Variants in MARCHF6 observed in about 807,000 individuals in gnomAD.
MARCHF6 encodes the protein membrane associated ring-CH-type finger 6, also known as E3 ubiquitin-protein ligase MARCHF6.
Under a neutral mutation model 133.7 loss-of-function variants are expected in MARCHF6, and 31 were observed. The ratio of observed to expected loss-of-function variants is 0.23; its 90% CI spans 0.17 to 0.31. The LOEUF (loss-of-function observed/expected upper bound fraction) is 0.31, where lower values mean the gene tolerates loss of function less well. MARCHF6 is among the 10% of genes least tolerant of loss of function. The pLI is 1.00. For synonymous variants in MARCHF6, 395 were observed against 402.5 expected (o/e 0.98, Z 0.22); for missense variants, 723 against 1,121.6 (o/e 0.64, Z 5.08).
intron 22 of MARCHF6, among the ~76,000 whole-genome samples, chr5:10,418,423 G>GT (rs1002908542): frequency 6.0e-5 from 9 of 150,826 alleles, no homozygotes; most frequent in Non-Finnish European, 1.2e-4. Flanking sequence ...GGGAACCCAT[G>GT]TAAGTCACAG....
intron 17 of MARCHF6, among the ~76,000 whole-genome samples, chr5:10,409,772 G>A (rs1169231898): frequency 2.0e-5 from 3 of 152,122 alleles, no homozygotes. Context: ...TGAAGGGGAG[G>A]TAGCAGTGGA....
chr5:10,368,947 G>T (rs1736296378), intron 1 of MARCHF6, among the ~76,000 whole-genome samples: 1 of 151,124 alleles, frequency 6.6e-6, no homozygotes, highest in Admixed American at 6.6e-5. Context: ...ACAAAGTAAG[G>T]CTCTGTTTCT....
intron 25 of MARCHF6, among the ~76,000 whole-genome samples, chr5:10,430,701 G>C (rs1740322339): frequency 6.6e-6 from 1 of 152,136 alleles, no homozygotes; most frequent in East Asian, 1.9e-4. Flanking sequence ...AAAATAAGAA[G>C]CCTGCATTAG....
intron 19 of MARCHF6, 110 bp downstream of exon 19, chr5:10,411,647 G>A: frequency 1.4e-6 from 1 of 740,670 alleles, no homozygotes; most frequent in Non-Finnish European, 2.1e-6. Flanking sequence ...GTGTAGACAT[G>A]TTCCACATTT....
intron 1 of MARCHF6, among the ~76,000 whole-genome samples, chr5:10,358,052 G>A (rs1398483989): frequency 6.7e-6 from 1 of 149,346 alleles, no homozygotes; most frequent in African/African-American, 2.5e-5. Context: ...ACTAGGGGTC[G>A]CAGTTTTAAA....
chr5:10,353,965 T>G, intron 1 of MARCHF6, 48 bp downstream of exon 1: 2 of 1,522,574 alleles, frequency 1.3e-6, no homozygotes, highest in South Asian at 1.2e-5. Context: ...GGCGCCCGGG[T>G]TCGTACCCCG....
chr5:10,417,472 G>T, intron 22 of MARCHF6, 68 bp downstream of exon 22: 2 of 1,593,576 alleles, frequency 1.3e-6, no homozygotes, highest in Middle Eastern at 1.8e-4. Context: ...TCCTAGCCAG[G>T]CATGGGGCTT....
chr5:10,394,046 C>T, intron 7 of MARCHF6, 36 bp from the exon 8 acceptor site: 2 of 1,242,410 alleles, frequency 1.6e-6, no homozygotes, highest in South Asian at 1.7e-5. Context: ...ATTATTTTTA[C>T]TTCAAGTAAT....
intron 10 of MARCHF6, among the ~76,000 whole-genome samples, chr5:10,400,368 A>G (rs1340456450): frequency 6.6e-6 from 1 of 152,184 alleles, no homozygotes; most frequent in Non-Finnish European, 1.5e-5. Context: ...TTAACTATTC[A>G]CATGGGTGTG....
chr5:10,419,221 A>C (rs1739698741), intron 22 of MARCHF6, among the ~76,000 whole-genome samples: 1 of 152,210 alleles, frequency 6.6e-6, no homozygotes, highest in African/African-American at 2.4e-5. Context: ...GTACTTCTAC[A>C]GCTATTCTGT....
intron 25 of MARCHF6, among the ~76,000 whole-genome samples, chr5:10,432,990 C>A (rs1275680196): frequency 6.6e-6 from 1 of 151,150 alleles, no homozygotes; most frequent in African/African-American, 2.4e-5. Flanking sequence ...GCAACCTCTA[C>A]CTCCCAGGTT....
intron 24 of MARCHF6, among the ~76,000 whole-genome samples, chr5:10,427,549 A>C (rs1740151696): frequency 6.6e-6 from 1 of 152,048 alleles, no homozygotes; most frequent in Admixed American, 6.6e-5. Context: ...CCTCTCCATA[A>C]CTGTCTCCAC....
chr5:10,432,824 C>G (rs1160043343), intron 25 of MARCHF6, among the ~76,000 whole-genome samples: 1 of 152,058 alleles, frequency 6.6e-6, no homozygotes, highest in Non-Finnish European at 1.5e-5. Flanking sequence ...CCTTTGACTT[C>G]ACTGAAATTT....
At chr5:10,398,408 G>T (rs1271084348) in intron 10 of MARCHF6, among the ~76,000 whole-genome samples, 1 of 152,188 alleles carries the variant, frequency 6.6e-6, no homozygotes, top group Non-Finnish European at 1.5e-5. Context: ...TGTTAACAAA[G>T]TATTTCGGAT....
chr5:10,369,614 C>CG (rs1554019318), intron 1 of MARCHF6, among the ~76,000 whole-genome samples: 2 of 8,366 alleles, frequency 2.4e-4, no homozygotes, highest in Admixed American at 6.4e-4. Flanking sequence ...CCCCCCCCCC[C>CG]CCTTGCAAAT....
chr5:10,354,944 T>G (rs796471311), intron 1 of MARCHF6, among the ~76,000 whole-genome samples: 49 of 152,364 alleles, frequency 3.2e-4, no homozygotes, highest in African/African-American at 1.1e-3. Context: ...CGACTTATTT[T>G]TTTTTAAAGA....
chr5:10,390,570 C>A, intron 6 of MARCHF6, 70 bp downstream of exon 6: 1 of 1,391,444 alleles, frequency 7.2e-7, no homozygotes, highest in Admixed American at 2.3e-5. Context: ...CTCTGAGACT[C>A]AAACTCTTGA....
chr5:10,380,344 T>G (rs940880410), intron 3 of MARCHF6, among the ~76,000 whole-genome samples: 2 of 152,204 alleles, frequency 1.3e-5, no homozygotes, highest in Non-Finnish European at 2.9e-5. Flanking sequence ...TTTGTAGTCA[T>G]TAATTTTCTG....
At chr5:10,413,897 T>C (rs182013169) in intron 19 of MARCHF6, among the ~76,000 whole-genome samples, 1 of 152,346 alleles carries the variant, frequency 6.6e-6, no homozygotes, top group East Asian at 1.9e-4. Flanking sequence ...CCATATCAGC[T>C]TCTCAGTACA....
Sources: allele counts gnomAD v4.1 joint callset (sites outside exome capture counted in the v4.1 genomes callset), GRCh38; gene constraint gnomAD v4.1.1; transcripts MANE v1.5; gene names NCBI Gene and HGNC (gene_info 2026-07-23, HGNC 2026-07-21).